The following SCAND3 variants were observed in gnomAD, a reference collection of about 807,000 sequenced individuals.
The protein encoded by SCAND3 is SCAN domain containing 3.
the SCAND3 span, among the ~76,000 whole-genome samples, chr6:28,613,506 A>T: frequency 6.6e-6 from 1 of 152,222 alleles, no homozygotes; most frequent in African/African-American, 2.4e-5. Flanking sequence ...GTATCTTCCA[A>T]ATATGATCAT....
At chr6:28,586,905 G>A in the SCAND3 span, 1 of 582,260 alleles carries the variant, frequency 1.7e-6, no homozygotes, top group South Asian at 2.3e-5. This position sits in a 1 kb window ranked among gnomAD's most constrained non-coding sequence, Gnocchi z 4.4. Context: ...CAGTTACTCG[G>A]GCAATTCCAT....
the SCAND3 span, among the ~76,000 whole-genome samples, chr6:28,613,084 T>G: frequency 6.6e-6 from 1 of 152,180 alleles, no homozygotes; most frequent in African/African-American, 2.4e-5. Flanking sequence ...AGACTGTATA[T>G]TATAAAATAT....
At chr6:28,573,186 C>T in the SCAND3 span, 1 of 1,613,782 alleles carries the variant, frequency 6.2e-7, no homozygotes, top group Non-Finnish European at 8.5e-7. Flanking sequence ...CATCAAGTTG[C>T]AATGAAAAAT....
the SCAND3 span, chr6:28,589,359 C>T: frequency 6.6e-6 from 1 of 152,094 alleles, no homozygotes; most frequent in Non-Finnish European, 1.5e-5. Flanking sequence ...ACTATACTTA[C>T]CTACTGTACC....
chr6:28,574,713 C>G, the SCAND3 span: 4 of 1,614,098 alleles, frequency 2.5e-6, no homozygotes, highest in Non-Finnish European at 3.4e-6. Context: ...GTTTAACAGG[C>G]AAACTTCTTT....
the SCAND3 span, chr6:28,586,765 G>A: frequency 6.6e-7 from 1 of 1,521,888 alleles, no homozygotes; most frequent in Non-Finnish European, 8.9e-7. This position sits in a 1 kb window ranked among gnomAD's most constrained non-coding sequence, Gnocchi z 4.4. Context: ...TTGGGGTCTA[G>A]GCAAATGGGT....
chr6:28,594,721 A>T, the SCAND3 span, among the ~76,000 whole-genome samples: 1 of 152,198 alleles, frequency 6.6e-6, no homozygotes, highest in Non-Finnish European at 1.5e-5. Flanking sequence ...AAATTCTGTC[A>T]TTTTTCACAA....
At chr6:28,573,940 G>A in the SCAND3 span, 1 of 1,267,832 alleles carries the variant, frequency 7.9e-7, no homozygotes, top group Middle Eastern at 2.9e-4. Context: ...TTATTTTAAA[G>A]TTAAGTTATA....
At chr6:28,574,609 C>T in the SCAND3 span, 3 of 1,557,866 alleles carry the variant, frequency 1.9e-6, no homozygotes, top group Non-Finnish European at 2.6e-6. Flanking sequence ...GAGATTCTTC[C>T]CCTGCTTTCA....
the SCAND3 span, among the ~76,000 whole-genome samples, chr6:28,576,331 C>G: frequency 6.6e-6 from 1 of 152,148 alleles, no homozygotes. Flanking sequence ...ACAATCTCAG[C>G]TCACTGCAAC....
At chr6:28,615,878 C>T in the SCAND3 span, 2 of 152,120 alleles carry the variant, frequency 1.3e-5, no homozygotes, top group Admixed American at 1.3e-4. Context: ...TTATTTTCTA[C>T]GATTTTTTTA....
chr6:28,574,965 C>A, the SCAND3 span: 1 of 1,613,610 alleles, frequency 6.2e-7, no homozygotes, highest in South Asian at 1.1e-5. Flanking sequence ...CAGAAAGATT[C>A]TCTTCAATAT....
the SCAND3 span, among the ~76,000 whole-genome samples, chr6:28,613,244 C>A: frequency 6.6e-6 from 1 of 152,116 alleles, no homozygotes; most frequent in Non-Finnish European, 1.5e-5. Context: ...TTCCTCCTAC[C>A]TCCCTCAACT....
At chr6:28,575,847 C>G in the SCAND3 span, 2 of 1,614,084 alleles carry the variant, frequency 1.2e-6, no homozygotes, top group South Asian at 2.2e-5. This position sits in a 1 kb window ranked among gnomAD's most constrained non-coding sequence, Gnocchi z 4.2. Flanking sequence ...CCTCAATTAG[C>G]TTCTCATTTC....
the SCAND3 span, among the ~76,000 whole-genome samples, chr6:28,596,431 A>AAT: frequency 6.6e-6 from 1 of 152,036 alleles, no homozygotes; most frequent in Admixed American, 6.5e-5. Context: ...TATGTTATGT[A>AAT]ATATATATTC....
chr6:28,607,519 G>GTT, the SCAND3 span, among the ~76,000 whole-genome samples: 64,564 of 149,206 alleles, frequency 0.43, 15,281 homozygotes, highest in Non-Finnish European at 0.54. Flanking sequence ...TTTATTCACT[G>GTT]TTTTTTTTTT....
At chr6:28,615,678 A>C in the SCAND3 span, among the ~76,000 whole-genome samples, 3 of 152,170 alleles carry the variant, frequency 2.0e-5, no homozygotes, top group Non-Finnish European at 4.4e-5. Flanking sequence ...TGAGGAATAA[A>C]ATGCACACGG....
At chr6:28,600,118 GA>G in the SCAND3 span, among the ~76,000 whole-genome samples, 10 of 148,372 alleles carry the variant, frequency 6.7e-5, no homozygotes, top group East Asian at 2.1e-4. Context: ...AAAACATCTG[GA>G]AAAAAAAATA....
the SCAND3 span, among the ~76,000 whole-genome samples, chr6:28,614,585 C>T: frequency 3.9e-5 from 6 of 152,298 alleles, no homozygotes; most frequent in South Asian, 1.2e-3. Context: ...CTGTCTCAGC[C>T]TCCCAAGTAG....
Sources: gnomAD v4.1 joint callset for allele counts (sites outside exome capture counted in the v4.1 genomes callset) on GRCh38, gnomAD v4.1.1 for gene constraint, Gnocchi (gnomAD v3.1) non-coding constraint, MANE v1.5 for transcripts, NCBI Gene and HGNC (gene_info 2026-07-23, HGNC 2026-07-21) for gene names.